PCCA: variants seen among roughly 807,000 people sequenced by gnomAD.
The protein encoded by PCCA is propionyl-CoA carboxylase subunit alpha, also known as propionyl-CoA carboxylase alpha chain, mitochondrial.
A neutral mutation model predicts 101.3 loss-of-function variants in PCCA; 74 were observed. The observed-to-expected ratio is 0.73, with a 90% confidence interval of 0.61 to 0.89. The LOEUF is 0.89. Ranked by LOEUF, PCCA falls within the 40% of genes least tolerant of loss-of-function variation. The pLI is 0.00. For missense variants in PCCA, 891 were observed against 907.0 expected (o/e 0.98, Z 0.23); for synonymous variants, 294 against 313.6 (o/e 0.94, Z 0.66).
At chr13:100,145,502 G>A (rs544970461) in intron 4 of PCCA, among the ~76,000 whole-genome samples, 8 of 152,282 alleles carry the variant, frequency 5.3e-5, no homozygotes, top group African/African-American at 1.2e-4. Context: ...AGTGATTACC[G>A]GAGAGAGACA....
intron 18 of PCCA, among the ~76,000 whole-genome samples, chr13:100,359,096 C>CAAAAAAAA (rs35233154): frequency 9.6e-6 from 1 of 103,692 alleles, no homozygotes; most frequent in African/African-American, 3.8e-5. Context: ...CAAGACTCCT[C>CAAAAAAAA]AAAAAAAAAA....
chr13:100,347,041 T>C (rs1455633393), intron 18 of PCCA, among the ~76,000 whole-genome samples: 1 of 152,010 alleles, frequency 6.6e-6, no homozygotes, highest in Non-Finnish European at 1.5e-5. Context: ...ACCCCACTAA[T>C]TTTTTTGTAT....
intron 6 of PCCA, among the ~76,000 whole-genome samples, chr13:100,164,966 AT>A (rs147577577): frequency 0.019 from 2,955 of 152,238 alleles, 108 homozygotes; most frequent in African/African-American, 0.068. Flanking sequence ...TGTCTGGCTT[AT>A]TTCACTCAGC....
chr13:100,177,841 A>T (rs1386121778), intron 6 of PCCA, among the ~76,000 whole-genome samples: 1 of 152,210 alleles, frequency 6.6e-6, no homozygotes, highest in African/African-American at 2.4e-5. Context: ...GTTACTAAAA[A>T]TTAGAACATG....
chr13:100,348,783 T>TTCCTTC lies in PCCA; in HGVS notation c.1643+8524_1643+8525insTCCTTC, dbSNP rs1566976583. 8.4e-3 allele frequency among the ~76,000 whole-genome samples: 465 copies of TTCCTTC among 55,138 alleles called. 1 individual carries two copies. The highest frequency in any genetic ancestry group is 0.016 in the Admixed American group (85 of 5,154). The allele number at this position is 55,138 out of a possible 152,430, so 36.2% of individuals were successfully genotyped here. On this transcript the variant is annotated intron_variant, in intron 18 of 23. Transcript: ENST00000376285. Reference sequence around the variant, plus strand: ...TTCTTTCTTTCTTTCTTTCTTTCTTTCTTTCTTCCTTCCTTCCTTCCTTCC... The same window carrying TTCCTTC: ...TTCTTTCTTTCTTTCTTTCTTTCTTTTCCTTCCTTTCTTCCTTCCTTCCTTCCTTCC...
intron 7 of PCCA, among the ~76,000 whole-genome samples, chr13:100,211,691 A>G (rs1286575128): frequency 6.6e-6 from 1 of 151,834 alleles, no homozygotes; most frequent in Admixed American, 6.6e-5. Context: ...GCCCTGGGCA[A>G]TCTTACTTTT....
At chr13:100,121,153 GTTTTTTTTTTTT>G (rs747251831) in intron 4 of PCCA, among the ~76,000 whole-genome samples, 3 of 99,478 alleles carry the variant, frequency 3.0e-5, no homozygotes, top group African/African-American at 1.2e-4. Flanking sequence ...GATTTCTTAG[GTTTTTTTTTTTT>G]TTTTTTTTTT....
chr13:100,400,627 G>GTTTTTT (rs763331038), intron 19 of PCCA, among the ~76,000 whole-genome samples: 2,516 of 79,184 alleles, frequency 0.032, 296 homozygotes, highest in East Asian at 0.16. Context: ...GTTCTTTTTA[G>GTTTTTT]TTCTTTTTTT....
At chr13:100,336,887 C>G (rs1183733691) in intron 17 of PCCA, among the ~76,000 whole-genome samples, 1 of 152,192 alleles carries the variant, frequency 6.6e-6, no homozygotes, top group Non-Finnish European at 1.5e-5. Flanking sequence ...GTACAAGTGA[C>G]TTGCTCCTCT....
intron 21 of PCCA, among the ~76,000 whole-genome samples, chr13:100,469,781 A>G (rs2082850077): frequency 1.3e-5 from 2 of 152,056 alleles, no homozygotes; most frequent in Middle Eastern, 3.4e-3. Flanking sequence ...CTCTGTCTCA[A>G]AAAAAAACAA....
intron 17 of PCCA, among the ~76,000 whole-genome samples, chr13:100,333,232 C>T (rs1195963528): frequency 6.6e-6 from 1 of 152,058 alleles, no homozygotes; most frequent in African/African-American, 2.4e-5. Flanking sequence ...TAAACTGTAT[C>T]GTCTTTTGAC....
intron 22 of PCCA, among the ~76,000 whole-genome samples, chr13:100,516,739 G>GTGTGTGTT (rs1555328041): frequency 6.2e-5 from 8 of 129,048 alleles, no homozygotes; most frequent in African/African-American, 1.9e-4. Context: ...AAAATTACGT[G>GTGTGTGTT]TGTGTGTGTG....
At chr13:100,210,056 A>G (rs761865928) in intron 7 of PCCA, among the ~76,000 whole-genome samples, 11 of 152,046 alleles carry the variant, frequency 7.2e-5, no homozygotes, top group Non-Finnish European at 8.8e-5. Context: ...TTAGGCTCAA[A>G]TGATCCTCTC....
intron 8 of PCCA, among the ~76,000 whole-genome samples, chr13:100,251,086 A>G (rs1440793523): frequency 1.3e-5 from 2 of 152,214 alleles, no homozygotes; most frequent in Non-Finnish European, 2.9e-5. Context: ...TTCTGCTAGT[A>G]GGCCAGTACA....
chr13:100,320,385 C>G (rs1332013661), intron 16 of PCCA, among the ~76,000 whole-genome samples: 6 of 151,776 alleles, frequency 4.0e-5, no homozygotes, highest in African/African-American at 9.7e-5. Flanking sequence ...GTGAGAGAGG[C>G]CATCCCTGTC....
chr13:100,348,799 C>CTTTCTTTTCTCTCTCTTTTTCTCT (rs747038503), intron 18 of PCCA, among the ~76,000 whole-genome samples: 1 of 71,822 alleles, frequency 1.4e-5, no homozygotes, highest in Middle Eastern at 9.6e-3. Flanking sequence ...TTCCTTCCTT[C>CTTTCTTTTCTCTCTCTTTTTCTCT]CTTCCTTCCT....
intron 16 of PCCA, among the ~76,000 whole-genome samples, chr13:100,316,655 T>C (rs1312672136): frequency 1.3e-5 from 2 of 152,164 alleles, no homozygotes; most frequent in Non-Finnish European, 2.9e-5. Context: ...ATGACAGAGT[T>C]TGGTTCCACC....
chr13:100,365,944 G>A (rs1237328095), intron 18 of PCCA, among the ~76,000 whole-genome samples: 1 of 152,162 alleles, frequency 6.6e-6, no homozygotes, highest in African/African-American at 2.4e-5. Context: ...ATGGTAGCTT[G>A]GTTTAAGAGT....
At chr13:100,436,142 C>G (rs1460959602) in intron 20 of PCCA, among the ~76,000 whole-genome samples, 1 of 152,148 alleles carries the variant, frequency 6.6e-6, no homozygotes, top group East Asian at 1.9e-4. Context: ...GATACCGAAT[C>G]TTCTTGGTTC....
Sources: gnomAD v4.1 joint callset for allele counts (sites outside exome capture counted in the v4.1 genomes callset) on GRCh38, gnomAD v4.1.1 for gene constraint, MANE v1.5 for transcripts, NCBI Gene and HGNC (gene_info 2026-07-23, HGNC 2026-07-21) for gene names.